The following DZIP1 variants were observed in gnomAD, a reference collection of about 807,000 sequenced individuals.
DZIP1 encodes the protein cilium assembly protein DZIP1.
Under a neutral mutation model 107.6 loss-of-function variants are expected in DZIP1, and 97 were observed. The observed-to-expected ratio is 0.90, with a 90% confidence interval of 0.77 to 1.07. The LOEUF is 1.07. Ranked by LOEUF, DZIP1 falls within the 50% of genes least tolerant of loss-of-function variation. The pLI is 0.00. For missense variants in DZIP1, 1,035 were observed against 1,063.6 expected (o/e 0.97, Z 0.37); for synonymous variants, 390 against 386.4 (o/e 1.01, Z -0.11).
At chr13:95,600,624 A>ATAGG (rs2044593055) in intron 14 of DZIP1, among the ~76,000 whole-genome samples, 1 of 151,152 alleles carries the variant, frequency 6.6e-6, no homozygotes, top group South Asian at 2.1e-4. Context: ...AGATAGATAG[A>ATAGG]TAGATAGACA....
chr13:95,619,449 CT>C (rs544287321), intron 10 of DZIP1, among the ~76,000 whole-genome samples: 132 of 152,258 alleles, frequency 8.7e-4, no homozygotes, highest in Admixed American at 2.0e-3. Context: ...GAAGAATGGT[CT>C]CAGAACTGCT....
intron 5 of DZIP1, among the ~76,000 whole-genome samples, chr13:95,633,678 C>CA (rs567298033): frequency 0.056 from 3,821 of 68,458 alleles, 113 homozygotes; most frequent in African/African-American, 0.092. Context: ...GACTCCATCT[C>CA]AAAAAAAAAA....
At chr13:95,630,812 A>G (rs1316408701) in intron 6 of DZIP1, 2 of 1,131,918 alleles carry the variant, frequency 1.8e-6, no homozygotes, top group African/African-American at 3.2e-5. Flanking sequence ...CTCAAAGATG[A>G]CCTGAAGAAA....
intron 11 of DZIP1, 48 bp downstream of exon 11, chr13:95,611,989 G>A: frequency 6.3e-7 from 1 of 1,597,104 alleles, no homozygotes; most frequent in African/African-American, 1.3e-5. Context: ...TTCTTAGATA[G>A]ACTGCGTTGC....
intron 6 of DZIP1, among the ~76,000 whole-genome samples, chr13:95,632,871 A>C (rs1329627033): frequency 1.3e-5 from 2 of 151,870 alleles, no homozygotes; most frequent in African/African-American, 2.4e-5. Flanking sequence ...CTTTCACCCC[A>C]CCTGGAGTCA....
At chr13:95,598,757 C>T (rs769617545) in intron 15 of DZIP1, among the ~76,000 whole-genome samples, 18 of 152,044 alleles carry the variant, frequency 1.2e-4, no homozygotes, top group African/African-American at 4.3e-4. Context: ...CATAATTAAA[C>T]CTTTCTTCAT....
At chr13:95,625,981 A>AC (rs1321583495) in intron 7 of DZIP1, among the ~76,000 whole-genome samples, 1 of 151,816 alleles carries the variant, frequency 6.6e-6, no homozygotes, top group Non-Finnish European at 1.5e-5. Context: ...AAAAAAAAAA[A>AC]ATTAGCCAGG....
At chr13:95,585,316 T>A (rs935959222) in intron 21 of DZIP1, among the ~76,000 whole-genome samples, 1 of 152,208 alleles carries the variant, frequency 6.6e-6, no homozygotes, top group African/African-American at 2.4e-5. Context: ...AGCCCCCAAC[T>A]GAAAGGTGCA....
rs1340966491 is a variant in DZIP1, at chr13:95,579,045, T to C, written c.*3189A>G. ...CCTGTTTATGCCTAGTGTTCCATTATTGGAACACTAAGCATGTGGGAGTTA... is the reference window on the plus strand; with the variant it reads ...CCTGTTTATGCCTAGTGTTCCATTACTGGAACACTAAGCATGTGGGAGTTA... On this transcript the variant is annotated 3_prime_UTR_variant, in exon 23 of 23. Transcript: ENST00000376829. The C allele has an allele frequency of 6.6e-6, 1 of 152,210 alleles. No individual in the cohort carries two copies. Among genetic ancestry groups the C allele is most frequent in the African/African-American group, 2.4e-5 (1 of 41,452 alleles). 9.4% of individuals were successfully genotyped at this position (152,210 alleles called of 1,614,324 possible).
chr13:95,617,778 G>A (rs1875310936), intron 10 of DZIP1, among the ~76,000 whole-genome samples: 1 of 152,130 alleles, frequency 6.6e-6, no homozygotes, highest in African/African-American at 2.4e-5. Context: ...GACTAAGGAA[G>A]GGGAAGGCTG....
Position 95,614,119 on chromosome 13 carries a change from C to T in DZIP1, c.1174-1942G>A, listed in dbSNP as rs538337855. 2.6e-5 allele frequency among the ~76,000 whole-genome samples: 3 copies of T among 116,242 alleles called. No homozygotes were observed. In the South Asian group the frequency reaches 1.0e-3, roughly 40 times the overall value. 76.3% of individuals were successfully genotyped at this position (116,242 alleles called of 152,430 possible). On this transcript the variant is annotated intron_variant, in intron 10 of 22. Coordinates refer to ENST00000376829, the MANE Select transcript of DZIP1 (RefSeq NM_198968.4). ...GTAGCCCCGGTGACAGAGTAAGACC[C>T]TGTCTCAAAAAAAAAAAAAAAAAAA...
intron 14 of DZIP1, among the ~76,000 whole-genome samples, chr13:95,602,476 G>A (rs750826980): frequency 6.6e-6 from 1 of 152,152 alleles, no homozygotes; most frequent in Non-Finnish European, 1.5e-5. Flanking sequence ...AAGTTCCGTG[G>A]GGACAGGCTT....
intron 7 of DZIP1, among the ~76,000 whole-genome samples, chr13:95,629,656 T>A (rs1366620994): frequency 6.6e-6 from 1 of 152,148 alleles, no homozygotes; most frequent in Non-Finnish European, 1.5e-5. Context: ...TTCTATAGCC[T>A]CTACCAAGGC....
intron 9 of DZIP1, 34 bp downstream of exon 9, chr13:95,622,309 G>C: frequency 1.2e-6 from 2 of 1,613,222 alleles, no homozygotes; most frequent in Non-Finnish European, 1.7e-6. Flanking sequence ...AAAAAGGAAG[G>C]CATCCACTGC....
At chr13:95,643,901 C>A (rs1319388826) in intron 1 of DZIP1, among the ~76,000 whole-genome samples, 2 of 152,188 alleles carry the variant, frequency 1.3e-5, no homozygotes, top group African/African-American at 4.8e-5. Context: ...GTGGGGGTGG[C>A]CCGCGCGCCC....
chr13:95,589,214 A>G lies in DZIP1; in HGVS notation c.1974-7T>C. The G allele has an allele frequency of 6.4e-7, 1 of 1,569,654 alleles. No homozygotes were observed. On this transcript the variant is annotated splice_polypyrimidine_tract_variant and splice_region_variant and intron_variant, in intron 18 of 22. Transcript: ENST00000376829. ...CATGACATTTTTCTTAATTCTAAAA[A>G]AACAACAGAAAAATATTTTTAAATT...
chr13:95,606,652 A>G (rs1330830978), intron 13 of DZIP1, among the ~76,000 whole-genome samples: 3 of 152,250 alleles, frequency 2.0e-5, no homozygotes, highest in Non-Finnish European at 2.9e-5. Context: ...GGTGATGGAC[A>G]TATAAGTTGT....
rs2044547595 is a variant in DZIP1, at chr13:95,599,345, C to A, written c.1537+20G>T. On this transcript the variant is annotated intron_variant, in intron 15 of 22. Transcript: ENST00000376829. ...ATAAATATAATCTGTGCAGGTAAAC[C>A]TGATCAAGCCCTTTGTTACCTTTTT... 6.2e-7 allele frequency: 1 copy of A among 1,610,304 alleles called. No individual in the cohort carries two copies. The highest frequency in any genetic ancestry group is 2.2e-5 in the East Asian group (1 of 44,792).
intron 13 of DZIP1, among the ~76,000 whole-genome samples, chr13:95,609,033 C>T (rs1042528348): frequency 1.3e-5 from 2 of 152,234 alleles, no homozygotes; most frequent in Admixed American, 1.3e-4. Context: ...GGAGATAGAG[C>T]AGATGGCCAG....
Sources: allele counts gnomAD v4.1 joint callset (sites outside exome capture counted in the v4.1 genomes callset), GRCh38; gene constraint gnomAD v4.1.1; transcripts MANE v1.5; gene names NCBI Gene and HGNC (gene_info 2026-07-23, HGNC 2026-07-21).